ADGB: variants seen among roughly 807,000 people sequenced by gnomAD.
ADGB encodes the protein androglobin, also known as calpain-7-like protein.
ADGB carries 172 observed loss-of-function variants against 210.5 expected under a neutral mutation model. That is an observed-to-expected ratio of 0.82 (90% CI 0.72 to 0.93). The LOEUF is 0.93. Ranked by LOEUF, ADGB falls within the 40% of genes least tolerant of loss-of-function variation. The pLI is 0.00. For synonymous variants in ADGB, 658 were observed against 662.7 expected, an observed-to-expected ratio of 0.99 and a Z score of 0.11; for missense variants, 2,025 against 1,964.8, an observed-to-expected ratio of 1.03 and a Z score of -0.58.
chr6:146,610,705 C>CCTT (rs1225785750), intron 1 of ADGB, among the ~76,000 whole-genome samples: 14 of 152,136 alleles, frequency 9.2e-5, no homozygotes, highest in African/African-American at 3.4e-4. Flanking sequence ...AGGTTAAGCA[C>CCTT]CTTCTGCATT....
intron 1 of ADGB, among the ~76,000 whole-genome samples, chr6:146,615,353 C>T (rs1780782452): frequency 6.6e-6 from 1 of 152,156 alleles, no homozygotes; most frequent in Non-Finnish European, 1.5e-5. Flanking sequence ...CACTGGGAAT[C>T]ACATTTCAAC....
intron 33 of ADGB, among the ~76,000 whole-genome samples, chr6:146,799,544 A>T (rs1360350361): frequency 6.6e-6 from 1 of 150,594 alleles, no homozygotes; most frequent in Non-Finnish European, 1.5e-5. Flanking sequence ...AGAAAAAAAA[A>T]AAAAAAAAAG....
Position 146,803,689 on chromosome 6 carries a change from A to G in ADGB, c.4818+1678A>G, listed in dbSNP as rs1380130130. 3 of 1,227,230 alleles carry G rather than the reference A, an allele frequency of 2.4e-6. No individual in the cohort carries two copies. In the East Asian group the frequency reaches 7.0e-5, roughly 29 times the overall value. The allele number at this position is 1,227,230 out of a possible 1,614,324, so 76.0% of individuals were successfully genotyped here. A position where few individuals can be genotyped will look rare whatever the true frequency, so the allele number is the denominator to read the frequency against. ...TATTACAAAAGTTCCGTTTTTTAAC[A>G]TTGTGAGTTTCCGATGCCATAATCT... is the stretch of plus-strand genomic sequence containing the variant. On this transcript the variant is annotated intron_variant, in intron 35 of 35. Coordinates refer to ENST00000397944, the MANE Select transcript of ADGB (RefSeq NM_024694.4).
chr6:146,787,566 T>C (rs576876789), intron 32 of ADGB, among the ~76,000 whole-genome samples: 252 of 152,248 alleles, frequency 1.7e-3, no homozygotes, highest in African/African-American at 5.7e-3. Flanking sequence ...TAGGGATATA[T>C]CAACTTTAAT....
intron 6 of ADGB, 30 bp downstream of exon 6, chr6:146,664,370 TA>T (rs1397334353): frequency 4.0e-6 from 6 of 1,512,758 alleles, no homozygotes; most frequent in East Asian, 2.5e-5. Flanking sequence ...CTCACATGAA[TA>T]AAAAAAGCAA....
At chr6:146,656,632 A>G (rs769102658) in intron 4 of ADGB, 139 bp from the exon 5 acceptor site, 14 of 597,124 alleles carry the variant, frequency 2.3e-5, no homozygotes, top group Non-Finnish European at 3.8e-5. Context: ...TCTGTAGATC[A>G]GAAATGAAAG....
In ADGB at chr6:146,746,121, T is replaced by C; in HGVS notation, c.3365+12T>C. The C allele has an allele frequency of 6.7e-7, 1 of 1,487,520 alleles. No homozygotes were observed. Among genetic ancestry groups the C allele is most frequent in the Non-Finnish European group, 9.0e-7 (1 of 1,106,504 alleles). 92.1% of individuals were successfully genotyped at this position (1,487,520 alleles called of 1,614,324 possible). A position where few individuals can be genotyped will look rare whatever the true frequency, so the allele number is the denominator to read the frequency against. On this transcript the variant is annotated intron_variant, in intron 26 of 35. Transcript: ENST00000397944. ...AAAATTTTATTCAGGTACAAGTAAA[T>C]GACAGAAGGGGAAAGGCATTTTTTA...
chr6:146,663,034 C>A (rs994710030), intron 5 of ADGB, among the ~76,000 whole-genome samples: 2 of 140,590 alleles, frequency 1.4e-5, no homozygotes, highest in African/African-American at 2.6e-5. Flanking sequence ...TTTATATAAT[C>A]TTAATAATAT....
intron 3 of ADGB, among the ~76,000 whole-genome samples, chr6:146,645,818 G>A (rs1775601733): frequency 1.3e-5 from 2 of 151,880 alleles, no homozygotes; most frequent in Admixed American, 1.3e-4. Context: ...ATCAGCCAGA[G>A]CATTTTTTGA....
At chr6:146,616,495 A>T (rs891996954) in intron 1 of ADGB, among the ~76,000 whole-genome samples, 3 of 151,846 alleles carry the variant, frequency 2.0e-5, no homozygotes, top group South Asian at 2.1e-4. Context: ...AAAAATATAT[A>T]TATTTGCTCA....
rs965594280 is a variant in ADGB at position 146,788,472 on chromosome 6, T to A, written c.4399T>A (p.Ser1467Thr). 5.2e-6 allele frequency: 8 copies of A among 1,551,376 alleles called. No individual in the cohort carries two copies. The highest frequency in any genetic ancestry group is 6.1e-6 in the Non-Finnish European group (7 of 1,146,938). Residue 1467 changes from serine to threonine, a missense_variant, in exon 33 of 36, where the codon TCA becomes ACA. By Grantham distance (58) the Ser-to-Thr change is moderately conservative. Transcript: ENST00000397944. ...GAGCAAAGAGATGACACAAACAGGA[T>A]CAGGGAGTGCGGTGTGGAAGAAGTG... is the stretch of plus-strand genomic sequence containing the variant. ...SESKEMTQTG[S>T]GSAVWKKWQL...
rs112968244 is a variant in ADGB, at chr6:146,642,071, A to C, written c.238-2702A>C. Among the ~76,000 whole-genome samples, 961 of 152,220 alleles carry C rather than the reference A, an allele frequency of 6.3e-3. 7 individuals are homozygous for C. The highest frequency in any genetic ancestry group is 0.022 in the African/African-American group (906 of 41,552). On this transcript the variant is annotated intron_variant, in intron 2 of 35. Transcript: ENST00000397944. ...ACACATTTACAAGAGAAAAACAAAC[A>C]ACCACATTTAAAAGTGGGCAAATGA...
chr6:146,768,382 C>A (rs1035090341), intron 28 of ADGB, among the ~76,000 whole-genome samples: 7 of 151,924 alleles, frequency 4.6e-5, no homozygotes, highest in African/African-American at 1.7e-4. Context: ...TTAATGCATA[C>A]ATAGGTAAAT....
intron 12 of ADGB, among the ~76,000 whole-genome samples, chr6:146,699,561 C>T (rs1044257609): frequency 2.6e-5 from 4 of 152,168 alleles, no homozygotes; most frequent in African/African-American, 4.8e-5. Flanking sequence ...CCGACTCGCA[C>T]GCCAATCACC....
At chr6:146,671,277 G>A (rs1021737818) in intron 7 of ADGB, among the ~76,000 whole-genome samples, 7 of 152,158 alleles carry the variant, frequency 4.6e-5, no homozygotes, top group African/African-American at 9.7e-5. Context: ...GTGGAACAGC[G>A]AGACTGGCTT....
chr6:146,668,189 C>A (rs1283165697), intron 7 of ADGB, among the ~76,000 whole-genome samples: 1 of 152,020 alleles, frequency 6.6e-6, no homozygotes, highest in African/African-American at 2.4e-5. Context: ...AGAATTATAA[C>A]AATAGATTTG....
chr6:146,749,002 C>A (rs1169680785), intron 26 of ADGB, among the ~76,000 whole-genome samples: 1 of 152,136 alleles, frequency 6.6e-6, no homozygotes, highest in Non-Finnish European at 1.5e-5. Flanking sequence ...TTGTGAAGCA[C>A]TGGGGGTTAG....
intron 23 of ADGB, among the ~76,000 whole-genome samples, chr6:146,739,933 C>G (rs1777138456): frequency 6.6e-6 from 1 of 152,234 alleles, no homozygotes; most frequent in African/African-American, 2.4e-5. Flanking sequence ...GCAGTGTATG[C>G]TCTACTCCCT....
At chr6:146,603,817 T>C (rs922534048) in intron 1 of ADGB, among the ~76,000 whole-genome samples, 6 of 152,158 alleles carry the variant, frequency 3.9e-5, no homozygotes, top group African/African-American at 1.4e-4. Flanking sequence ...GAGGAACAAA[T>C]ATCTTGCTGT....
Sources: gnomAD v4.1 joint callset for allele counts (sites outside exome capture counted in the v4.1 genomes callset) on GRCh38, gnomAD v4.1.1 for gene constraint, MANE v1.5 for transcripts, NCBI Gene and HGNC (gene_info 2026-07-23, HGNC 2026-07-21) for gene names.